The following SORCS3 variants were observed in gnomAD, a reference collection of about 807,000 sequenced individuals.
The protein encoded by SORCS3 is VPS10 domain-containing receptor SorCS3.
SORCS3 carries 57 observed loss-of-function variants against 146.3 expected under a neutral mutation model. The observed-to-expected ratio is 0.39, with a 90% CI of 0.31 to 0.49. The LOEUF (loss-of-function observed/expected upper bound fraction) is 0.49. SORCS3 is among the 20% of genes least tolerant of loss of function. The pLI is 0.92. For missense variants in SORCS3, 1,341 were observed against 1,575.5 expected (o/e 0.85, Z 2.52); for synonymous variants, 653 against 618.5 (o/e 1.06, Z -0.83).
At chr10:105,119,144 C>A (rs2055913426) in intron 7 of SORCS3, among the ~76,000 whole-genome samples, 1 of 152,204 alleles carries the variant, frequency 6.6e-6, no homozygotes, top group South Asian at 2.1e-4. Context: ...CGCATCCCAG[C>A]CTCTCCAGCC....
chr10:105,037,738 G>A (rs879695224), intron 4 of SORCS3, among the ~76,000 whole-genome samples: 6 of 152,112 alleles, frequency 3.9e-5, no homozygotes, highest in Non-Finnish European at 8.8e-5. Flanking sequence ...TTCCAAGTAA[G>A]GTCACATTCT....
intron 3 of SORCS3, among the ~76,000 whole-genome samples, chr10:104,939,910 C>T (rs1039196939): frequency 1.3e-5 from 2 of 151,906 alleles, no homozygotes; most frequent in Non-Finnish European, 2.9e-5. Flanking sequence ...GGCTCTCTCC[C>T]CCATGCCTTT....
At chr10:104,681,104 C>T (rs1323713428) in intron 1 of SORCS3, among the ~76,000 whole-genome samples, 7 of 152,240 alleles carry the variant, frequency 4.6e-5, no homozygotes, top group African/African-American at 1.7e-4. Context: ...GCCGGTCTCC[C>T]TGCTTTCCCA....
At chr10:104,857,131 A>C (rs1052476967) in intron 2 of SORCS3, among the ~76,000 whole-genome samples, 1 of 149,986 alleles carries the variant, frequency 6.7e-6, no homozygotes, top group Non-Finnish European at 1.5e-5. Flanking sequence ...TAGTCAGATT[A>C]AATTCAGGAG....
intron 20 of SORCS3, among the ~76,000 whole-genome samples, chr10:105,240,354 A>G (rs982452310): frequency 2.0e-5 from 3 of 152,234 alleles, no homozygotes; most frequent in Non-Finnish European, 4.4e-5. Flanking sequence ...AAAACTATTA[A>G]GGGAGAAAAA....
At chr10:104,680,452 C>A (rs1232343106) in intron 1 of SORCS3, among the ~76,000 whole-genome samples, 1 of 152,204 alleles carries the variant, frequency 6.6e-6, no homozygotes, top group East Asian at 1.9e-4. Flanking sequence ...AGGCCACCGA[C>A]CTTCTCCTCT....
Position 104,771,073 on chromosome 10 carries a change from G to T in SORCS3, c.628-71719G>T, listed in dbSNP as rs537289417. On this transcript the variant is annotated intron_variant, in intron 1 of 26. Transcript: ENST00000369701. ...CAATCCAAATGCTTGATAGCCACGT[G>T]GGCTGATGGTTGCCATGTTGGACAG... Among the ~76,000 whole-genome samples the T allele has an allele frequency of 8.5e-5, 13 of 152,230 alleles. 1 individual carries two copies. The highest frequency in any genetic ancestry group is 2.9e-4 in the African/African-American group (12 of 41,544).
In SORCS3 at chr10:104,873,854, C is replaced by T. The variant is rs546427076; in HGVS notation, c.695+30995C>T. Among the ~76,000 whole-genome samples, 5 of 152,258 alleles carry T rather than the reference C, an allele frequency of 3.3e-5. No homozygotes were observed. The South Asian group carries it at 6.2e-4, about 19-fold the overall frequency. On this transcript the variant is annotated intron_variant, in intron 2 of 26. Coordinates refer to ENST00000369701, the MANE Select transcript of SORCS3 (RefSeq NM_014978.3). ...CTAATAGCTGAGCTTCAGCAAAGGG[C>T]CCTGTGGTATGTGTTGAACAATAAC...
intron 2 of SORCS3, among the ~76,000 whole-genome samples, chr10:104,908,261 T>A (rs2018929428): frequency 6.6e-6 from 1 of 152,226 alleles, no homozygotes; most frequent in African/African-American, 2.4e-5. Context: ...ATCATACACT[T>A]ATGGTGACAA....
intron 4 of SORCS3, among the ~76,000 whole-genome samples, chr10:105,034,599 A>G (rs960659091): frequency 4.6e-5 from 7 of 152,280 alleles, no homozygotes; most frequent in African/African-American, 1.7e-4. Flanking sequence ...TATGATCTCA[A>G]ATGGATTTTG....
At chr10:104,663,494 G>T (rs1006784552) in intron 1 of SORCS3, among the ~76,000 whole-genome samples, 10 of 152,156 alleles carry the variant, frequency 6.6e-5, no homozygotes, top group African/African-American at 2.4e-4. Flanking sequence ...CCAAGGCAGG[G>T]CTTCCTCCAT....
chr10:105,230,968 C>A (rs1441733722), intron 20 of SORCS3, among the ~76,000 whole-genome samples: 1 of 152,172 alleles, frequency 6.6e-6, no homozygotes, highest in Non-Finnish European at 1.5e-5. Context: ...AAGAGGCTCT[C>A]CAGTGGCTAG....
intron 3 of SORCS3, among the ~76,000 whole-genome samples, chr10:104,924,123 C>A (rs1288737670): frequency 6.6e-6 from 1 of 152,156 alleles, no homozygotes; most frequent in Non-Finnish European, 1.5e-5. Context: ...TCATTTAACT[C>A]GTTTCCATTC....
At chr10:105,195,176 C>T (rs2056537206) in intron 14 of SORCS3, among the ~76,000 whole-genome samples, 1 of 152,078 alleles carries the variant, frequency 6.6e-6, no homozygotes, top group Admixed American at 6.6e-5. Flanking sequence ...CTTTGTTCCC[C>T]CTGTAAAAGT....
At chr10:105,247,935 G>T (rs1200589571) in intron 22 of SORCS3, among the ~76,000 whole-genome samples, 3 of 152,154 alleles carry the variant, frequency 2.0e-5, no homozygotes, top group Non-Finnish European at 2.9e-5. Flanking sequence ...CTGAGTTGTT[G>T]CTAATATTAT....
At chr10:105,251,652 G>T (rs1323324686) in intron 22 of SORCS3, among the ~76,000 whole-genome samples, 5 of 152,132 alleles carry the variant, frequency 3.3e-5, no homozygotes, top group African/African-American at 1.2e-4. Context: ...GACAGAAGAG[G>T]TGGTGATGTT....
chr10:104,970,237 C>G (rs749878379), intron 3 of SORCS3, among the ~76,000 whole-genome samples: 5 of 152,098 alleles, frequency 3.3e-5, no homozygotes, highest in Non-Finnish European at 7.4e-5. Context: ...ACCTCCACCT[C>G]TAGGGTTCAA....
At chr10:104,684,830 T>G (rs1291736292) in intron 1 of SORCS3, among the ~76,000 whole-genome samples, 8 of 76,348 alleles carry the variant, frequency 1.0e-4, no homozygotes, top group Admixed American at 3.6e-4. Flanking sequence ...TTTTTTTTTT[T>G]TTTATGAGAC....
chr10:104,649,283 T>C (rs1381398811), intron 1 of SORCS3, among the ~76,000 whole-genome samples: 3 of 152,174 alleles, frequency 2.0e-5, no homozygotes, highest in East Asian at 1.9e-4. Context: ...CTGTGTGACA[T>C]TGGGCAAGTT....
Sources: allele counts gnomAD v4.1 joint callset (sites outside exome capture counted in the v4.1 genomes callset), GRCh38; gene constraint gnomAD v4.1.1; transcripts MANE v1.5; gene names NCBI Gene and HGNC (gene_info 2026-07-23, HGNC 2026-07-21).